The following SORCS2 variants were observed in gnomAD, a reference collection of about 807,000 sequenced individuals.
The protein encoded by SORCS2 is VPS10 domain-containing receptor SorCS2.
In SORCS2, 100 loss-of-function variants were observed where a neutral mutation model predicts 141.6. The observed-to-expected ratio is 0.71, with a 90% CI of 0.60 to 0.83. The LOEUF is 0.83. SORCS2 is among the 40% of genes least tolerant of loss of function. The pLI, the probability that SORCS2 is intolerant of heterozygous loss-of-function variation, is 0.00. For synonymous variants in SORCS2, 789 were observed against 676.9 expected (o/e 1.17, Z -2.57); for missense variants, 1,646 against 1,560.2 (o/e 1.05, Z -0.93).
chr4:7,571,537 C>T (rs1457419579), intron 3 of SORCS2, among the ~76,000 whole-genome samples: 1 of 152,096 alleles, frequency 6.6e-6, no homozygotes, highest in Non-Finnish European at 1.5e-5. Flanking sequence ...TGGGCAGTCC[C>T]GTGGGACTAC....
chr4:7,570,420 A>G (rs1560394448), intron 3 of SORCS2, among the ~76,000 whole-genome samples: 1 of 152,222 alleles, frequency 6.6e-6, no homozygotes, highest in Non-Finnish European at 1.5e-5. Flanking sequence ...CCCTGTCACT[A>G]GTCACTGAGG....
chr4:7,342,421 T>G (rs1720418418), intron 1 of SORCS2, among the ~76,000 whole-genome samples: 2 of 152,234 alleles, frequency 1.3e-5, no homozygotes, highest in Admixed American at 1.3e-4. Flanking sequence ...TCATTTGGCA[T>G]TTAGCCTTGC....
chr4:7,619,804 G>A (rs947630028), intron 3 of SORCS2, among the ~76,000 whole-genome samples: 4 of 152,164 alleles, frequency 2.6e-5, no homozygotes, highest in African/African-American at 9.7e-5. Context: ...GAGTGGGAAG[G>A]GACGGCCTTT....
rs2109015509 is a variant in SORCS2 at position 7,703,269 on chromosome 4, C to G, written c.1669-11C>G. ...AGGCCCTGCCCTCAGCCACACCACT[C>G]TCCTCTGCAGGTGTTTGAGGAAGAG... On this transcript the variant is annotated splice_polypyrimidine_tract_variant and intron_variant, in intron 12 of 26. Transcript: ENST00000507866. 1 of 1,605,314 alleles carries G rather than the reference C, an allele frequency of 6.2e-7. No homozygotes were observed. The highest frequency in any genetic ancestry group is 2.2e-5 in the East Asian group (1 of 44,636).
At chr4:7,497,634 G>T (rs904610757) in intron 2 of SORCS2, among the ~76,000 whole-genome samples, 2 of 152,252 alleles carry the variant, frequency 1.3e-5, no homozygotes, top group Non-Finnish European at 2.9e-5. Context: ...CACCAGCTCT[G>T]TGCCTGGTCC....
chr4:7,576,163 T>G (rs764663505), intron 3 of SORCS2, among the ~76,000 whole-genome samples: 7 of 152,180 alleles, frequency 4.6e-5, no homozygotes, highest in Non-Finnish European at 1.0e-4. Context: ...TCAACACCAC[T>G]AACATTCTCC....
At chr4:7,219,708 G>T (rs114507497) in intron 1 of SORCS2, among the ~76,000 whole-genome samples, 8 of 152,164 alleles carry the variant, frequency 5.3e-5, no homozygotes, top group Non-Finnish European at 1.0e-4. Context: ...ACCACTTCCT[G>T]CTGGGTCCCT....
intron 3 of SORCS2, among the ~76,000 whole-genome samples, chr4:7,570,171 G>T (rs1252331182): frequency 6.6e-6 from 1 of 152,220 alleles, no homozygotes; most frequent in African/African-American, 2.4e-5. Flanking sequence ...TTCAGTGGCT[G>T]CGGAGGGGAG....
At chr4:7,704,358 T>C (rs1725281081) in intron 14 of SORCS2, 74 bp downstream of exon 14, 2 of 1,315,498 alleles carry the variant, frequency 1.5e-6, no homozygotes, top group Middle Eastern at 2.2e-4. Context: ...GCCTACTGTG[T>C]CCTTCACCCC....
At chr4:7,598,538 T>C (rs1717437163) in intron 3 of SORCS2, among the ~76,000 whole-genome samples, 1 of 152,096 alleles carries the variant, frequency 6.6e-6, no homozygotes, top group African/African-American at 2.4e-5. Flanking sequence ...GGTGGATGGA[T>C]AGATGTCCAT....
rs368004281 is a variant in SORCS2 at position 7,401,819 on chromosome 4, C to G, written c.548+5464C>G. 6.4e-4 allele frequency among the ~76,000 whole-genome samples: 97 copies of G among 152,240 alleles called. 1 individual carries two copies. Among genetic ancestry groups the G allele is most frequent in the African/African-American group, 2.2e-3 (92 of 41,530 alleles). On this transcript the variant is annotated intron_variant, in intron 2 of 26. Transcript: ENST00000507866. ...CAGGATAATTGGGGGTGGAGCTGGT[C>G]TCAGGTTTTCTCTAGAATGACTTGG...
intron 3 of SORCS2, among the ~76,000 whole-genome samples, chr4:7,562,910 A>G (rs1365710433): frequency 6.6e-6 from 1 of 152,216 alleles, no homozygotes. Flanking sequence ...GGTCTAGCCT[A>G]TTCCAGGATG....
At chr4:7,360,567 CCTT>C (rs1169683869) in intron 1 of SORCS2, among the ~76,000 whole-genome samples, 2 of 36,002 alleles carry the variant, frequency 5.6e-5, no homozygotes, top group Non-Finnish European at 1.1e-4. Context: ...CCTCCCAGTC[CCTT>C]CTTTTTTTTT....
At chr4:7,313,571 C>T (rs1460983603) in intron 1 of SORCS2, among the ~76,000 whole-genome samples, 1 of 152,190 alleles carries the variant, frequency 6.6e-6, no homozygotes, top group Non-Finnish European at 1.5e-5. Flanking sequence ...GACAGAAAGA[C>T]CTCTTTGGGC....
intron 3 of SORCS2, among the ~76,000 whole-genome samples, chr4:7,539,738 TG>T (rs1205808372): frequency 4.1e-4 from 43 of 104,616 alleles, no homozygotes; most frequent in South Asian, 1.3e-3. Flanking sequence ...CTTCCTGCTG[TG>T]GCGGCCCCAC....
chr4:7,403,257 C>T (rs1448229915), intron 2 of SORCS2, among the ~76,000 whole-genome samples: 1 of 152,164 alleles, frequency 6.6e-6, no homozygotes, highest in East Asian at 1.9e-4. Context: ...AGGCTGTTGG[C>T]TGATGGGCTT....
At chr4:7,229,160 G>A (rs566090849) in intron 1 of SORCS2, among the ~76,000 whole-genome samples, 7 of 152,232 alleles carry the variant, frequency 4.6e-5, no homozygotes, top group Non-Finnish European at 5.9e-5. Context: ...GTAGCTTGCC[G>A]TGCTCGGAAC....
At chr4:7,270,144 G>T (rs895497164) in intron 1 of SORCS2, among the ~76,000 whole-genome samples, 3 of 152,374 alleles carry the variant, frequency 2.0e-5, no homozygotes, top group African/African-American at 7.2e-5. Context: ...GCCTCCCAAA[G>T]TGCTGGGATC....
chr4:7,485,092 C>T (rs531161910), intron 2 of SORCS2, among the ~76,000 whole-genome samples: 11 of 152,176 alleles, frequency 7.2e-5, no homozygotes, highest in Non-Finnish European at 1.5e-4. Flanking sequence ...GGTCACCTGT[C>T]CTGTGCCCAC....
Sources: allele counts gnomAD v4.1 joint callset (sites outside exome capture counted in the v4.1 genomes callset), GRCh38; gene constraint gnomAD v4.1.1; transcripts MANE v1.5; gene names NCBI Gene and HGNC (gene_info 2026-07-23, HGNC 2026-07-21).